The following HMG20A variants were observed in gnomAD, a reference collection of about 807,000 sequenced individuals.
HMG20A encodes the protein high mobility group 20A, also known as high mobility group protein 20A.
HMG20A carries 17 observed loss-of-function variants against 43.9 expected under a neutral mutation model. The observed-to-expected ratio is 0.39, with a 90% CI of 0.27 to 0.58. The LOEUF (loss-of-function observed/expected upper bound fraction) is 0.58. HMG20A is among the 20% of genes least tolerant of loss of function. The pLI is 0.59. For missense variants in HMG20A, 341 were observed against 438.2 expected, an observed-to-expected ratio of 0.78 and a Z score of 1.98; for synonymous variants, 132 against 147.5, an observed-to-expected ratio of 0.89 and a Z score of 0.76.
intron 1 of HMG20A, among the ~76,000 whole-genome samples, chr15:77,445,594 T>C (rs1225840378): frequency 2.6e-5 from 4 of 152,206 alleles, no homozygotes; most frequent in African/African-American, 7.2e-5. Flanking sequence ...TTTGTTAAGT[T>C]GGGAACTTTT....
the HMG20A span, among the ~76,000 whole-genome samples, chr15:77,501,590 C>T: frequency 6.6e-5 from 10 of 152,180 alleles, no homozygotes; most frequent in Admixed American, 5.9e-4. Context: ...TGTCTATTCC[C>T]ATCATTTAAA....
At chr15:77,461,642 G>A (rs1385140975) in intron 2 of HMG20A, among the ~76,000 whole-genome samples, 1 of 152,150 alleles carries the variant, frequency 6.6e-6, no homozygotes, top group African/African-American at 2.4e-5. Flanking sequence ...TGATGCCTTT[G>A]GCCATTCCTG....
At chr15:77,425,843 C>T (rs2073421253) in intron 1 of HMG20A, among the ~76,000 whole-genome samples, 1 of 152,176 alleles carries the variant, frequency 6.6e-6, no homozygotes, top group Non-Finnish European at 1.5e-5. Context: ...ATATTTGTAG[C>T]AGCCTTATTT....
At chr15:77,500,372 G>A in the HMG20A span, among the ~76,000 whole-genome samples, 3 of 152,142 alleles carry the variant, frequency 2.0e-5, no homozygotes, top group South Asian at 2.1e-4. Context: ...CACAGAGCAG[G>A]TGGACCAATG....
At chr15:77,471,434 T>G (rs1462975032) in intron 5 of HMG20A, among the ~76,000 whole-genome samples, 1 of 152,222 alleles carries the variant, frequency 6.6e-6, no homozygotes, top group Non-Finnish European at 1.5e-5. Flanking sequence ...TAGCCTATTT[T>G]TCCTTAGCCA....
the HMG20A span, among the ~76,000 whole-genome samples, chr15:77,508,369 C>T: frequency 2.0e-5 from 3 of 152,208 alleles, no homozygotes; most frequent in African/African-American, 7.2e-5. Flanking sequence ...ATAGTTGCTT[C>T]CTGAGCACCC....
the HMG20A span, among the ~76,000 whole-genome samples, chr15:77,502,045 C>T: frequency 1.4e-4 from 22 of 152,036 alleles, no homozygotes; most frequent in Admixed American, 2.6e-4. Context: ...GTTTCTCTAC[C>T]GCCTGTAGGC....
At chr15:77,453,678 T>G (rs985385839) in intron 1 of HMG20A, among the ~76,000 whole-genome samples, 2 of 152,192 alleles carry the variant, frequency 1.3e-5, no homozygotes, top group Non-Finnish European at 2.9e-5. Flanking sequence ...AACCCAAGTC[T>G]ATCAACTGAT....
the HMG20A span, among the ~76,000 whole-genome samples, chr15:77,505,276 G>A: frequency 2.0e-5 from 3 of 152,242 alleles, no homozygotes. Context: ...AGCAGGCAGA[G>A]ATTTCCAGGT....
At chr15:77,482,539 C>T (rs1313623590) in intron 9 of HMG20A, 2 of 152,112 alleles carry the variant, frequency 1.3e-5, no homozygotes, top group Non-Finnish European at 2.9e-5. Context: ...GAGAAATGTT[C>T]TTGATTATAT....
the HMG20A span, among the ~76,000 whole-genome samples, chr15:77,501,241 G>A: frequency 6.6e-6 from 1 of 152,148 alleles, no homozygotes; most frequent in African/African-American, 2.4e-5. Context: ...GTCTTGCAAA[G>A]GTTAGAATGT....
chr15:77,465,638 G>A (rs1465030159), intron 3 of HMG20A, among the ~76,000 whole-genome samples: 3 of 152,022 alleles, frequency 2.0e-5, no homozygotes, highest in African/African-American at 7.2e-5. Flanking sequence ...CAAGTGATCC[G>A]CCTGCCTTGG....
chr15:77,463,334 A>G (rs1316742916), intron 2 of HMG20A, among the ~76,000 whole-genome samples: 1 of 152,172 alleles, frequency 6.6e-6, no homozygotes, highest in African/African-American at 2.4e-5. Context: ...TACTTTTAAC[A>G]AGCCATTATT....
intron 1 of HMG20A, among the ~76,000 whole-genome samples, chr15:77,430,922 G>A (rs1323231055): frequency 2.6e-5 from 4 of 152,180 alleles, no homozygotes; most frequent in African/African-American, 9.7e-5. Flanking sequence ...AATATTTTAA[G>A]AGACAGTGAT....
chr15:77,506,237 T>A, the HMG20A span, among the ~76,000 whole-genome samples: 1 of 152,104 alleles, frequency 6.6e-6, no homozygotes, highest in African/African-American at 2.4e-5. Flanking sequence ...CTCATCCATA[T>A]CCCACCCCGA....
the HMG20A span, among the ~76,000 whole-genome samples, chr15:77,513,915 G>A: frequency 1.3e-5 from 2 of 152,024 alleles, no homozygotes; most frequent in Non-Finnish European, 2.9e-5. Flanking sequence ...CAGTAGAGAC[G>A]GCGTTTCACC....
the HMG20A span, among the ~76,000 whole-genome samples, chr15:77,505,327 A>G: frequency 1.8e-4 from 27 of 152,258 alleles, no homozygotes; most frequent in African/African-American, 5.5e-4. Flanking sequence ...GCAGCTTCCC[A>G]GAGCTGATGC....
chr15:77,512,370 AT>A, the HMG20A span, among the ~76,000 whole-genome samples: 1 of 152,154 alleles, frequency 6.6e-6, no homozygotes, highest in African/African-American at 2.4e-5. Context: ...ATGCCATTGA[AT>A]GGTACACTAA....
the HMG20A span, among the ~76,000 whole-genome samples, chr15:77,509,268 C>G: frequency 6.6e-6 from 1 of 151,688 alleles, no homozygotes; most frequent in Non-Finnish European, 1.5e-5. Flanking sequence ...TTCTTTCTTT[C>G]TCTTTTTTGA....
Sources: allele counts gnomAD v4.1 joint callset (sites outside exome capture counted in the v4.1 genomes callset), GRCh38; gene constraint gnomAD v4.1.1; transcripts MANE v1.5; gene names NCBI Gene and HGNC (gene_info 2026-07-23, HGNC 2026-07-21).